The following FBXO47 variants were observed in gnomAD, a reference collection of about 807,000 sequenced individuals.
The protein encoded by FBXO47 is F-box protein 47, also known as F-box only protein 47.
In FBXO47, 34 loss-of-function variants were observed where a neutral mutation model predicts 53.9. The ratio of observed to expected loss-of-function variants is 0.63; its 90% CI spans 0.48 to 0.84. The LOEUF (loss-of-function observed/expected upper bound fraction) is 0.84. FBXO47 is among the 40% of genes least tolerant of loss of function. The probability of loss-of-function intolerance (pLI) is 0.00; values close to 1 mark genes in which losing one functional copy is unlikely to be tolerated. For synonymous variants in FBXO47, 165 were observed against 181.6 expected (o/e 0.91, Z 0.73); for missense variants, 485 against 541.3 (o/e 0.90, Z 1.03).
chr17:38,939,323 AATATATATAT>A (rs1555559725), intron 9 of FBXO47, among the ~76,000 whole-genome samples: 1 of 50,178 alleles, frequency 2.0e-5, no homozygotes, highest in South Asian at 8.2e-4. Flanking sequence ...AAAAAAAAAA[AATATATATAT>A]ATATATATAT....
intron 1 of FBXO47, among the ~76,000 whole-genome samples, chr17:38,964,450 G>A (rs1284303861): frequency 6.6e-6 from 1 of 152,042 alleles, no homozygotes; most frequent in Non-Finnish European, 1.5e-5. Context: ...ACAAAAATTA[G>A]CCAGGGATGG....
In FBXO47 at chr17:38,945,140, T is replaced by G; in HGVS notation, c.617-4A>C. On this transcript the variant is annotated splice_polypyrimidine_tract_variant and splice_region_variant and intron_variant, in intron 6 of 10. Transcript: ENST00000378079. ...AACTCCAGTTTTTGGGCACTTCCTA[T>G]GAAGACAAAAGAATTGTAAATCATT... 6.2e-7 allele frequency: 1 copy of G among 1,600,260 alleles called. No homozygotes were observed. Among genetic ancestry groups the G allele is most frequent in the African/African-American group, 1.3e-5 (1 of 74,704 alleles).
chr17:38,939,091 C>T (rs1357685795), intron 9 of FBXO47, among the ~76,000 whole-genome samples: 1 of 151,370 alleles, frequency 6.6e-6, no homozygotes, highest in East Asian at 1.9e-4. Flanking sequence ...GTCAGGAGTT[C>T]GAGACCAGCC....
intron 3 of FBXO47, among the ~76,000 whole-genome samples, chr17:38,960,032 C>T (rs958884382): frequency 6.6e-6 from 1 of 151,902 alleles, no homozygotes; most frequent in Admixed American, 6.6e-5. Flanking sequence ...GTCTTGAACT[C>T]CTGGGCTCAA....
chr17:38,941,840 T>C (rs1904526928), intron 9 of FBXO47, among the ~76,000 whole-genome samples: 1 of 151,264 alleles, frequency 6.6e-6, no homozygotes, highest in South Asian at 2.1e-4. Flanking sequence ...ACCGAGCTAA[T>C]TTTTGTATTT....
intron 6 of FBXO47, among the ~76,000 whole-genome samples, chr17:38,949,837 G>A (rs186084177): frequency 1.3e-5 from 2 of 152,248 alleles, no homozygotes; most frequent in African/African-American, 2.4e-5. Flanking sequence ...AGGGGCTCAA[G>A]TGATCCACTT....
chr17:38,958,071 C>T (rs534097441), intron 3 of FBXO47, among the ~76,000 whole-genome samples: 5 of 152,212 alleles, frequency 3.3e-5, no homozygotes, highest in East Asian at 3.9e-4. Context: ...CCTCATGATC[C>T]GCCTGCCTCG....
rs1252779193 is a variant in FBXO47 at position 38,943,658 on chromosome 17, A to G, written c.872T>C (p.Leu291Ser). The G allele has an allele frequency of 6.2e-7, 1 of 1,610,528 alleles. No individual in the cohort carries two copies. Among genetic ancestry groups the G allele is most frequent in the South Asian group, 1.1e-5 (1 of 90,488 alleles). ...CTCTTTAGTGCTAGCGTCATATAGTAACTTAATGGCATCAGCCAAACCTTT... is the reference window on the plus strand; with the variant it reads ...CTCTTTAGTGCTAGCGTCATATAGTGACTTAATGGCATCAGCCAAACCTTT... ...SLKGLADAIK[L>S]LYDASTKEWT... Residue 291 changes from leucine (L) to serine (S), a missense_variant, in exon 8 of 11, where the codon TTA becomes TCA. Coordinates refer to ENST00000378079, the MANE Select transcript of FBXO47 (RefSeq NM_001008777.3).
intron 3 of FBXO47, among the ~76,000 whole-genome samples, chr17:38,958,488 C>T (rs1195690569): frequency 6.7e-6 from 1 of 149,790 alleles, no homozygotes; most frequent in South Asian, 2.1e-4. Flanking sequence ...AAAAAAAACT[C>T]CTCAATTTCT....
At position 38,951,625 on chromosome 17, in the gene FBXO47, G is replaced by A. The variant is rs777922068; in HGVS notation, c.572C>T (p.Thr191Ile). The change falls in exon 6 of 11, where the codon ACT becomes ATT. Residue 191 changes from threonine (T) to isoleucine (I), a missense_variant. Thr to Ile is a moderately conservative substitution (Grantham distance 89). Transcript: ENST00000378079. ...HRVYNFLCEL[T>I]NLCRKIQMAV... ...CATTTGTATCTTGCGGCAGAGATTA[G>A]TCAGTTCGCATAAGAAATTATAAAC... is the stretch of plus-strand genomic sequence containing the variant. 1.9e-6 allele frequency: 3 copies of A among 1,614,084 alleles called. No individual in the cohort carries two copies. In the South Asian group the frequency reaches 3.3e-5, roughly 18 times the overall value.
Position 38,937,301 on chromosome 17 carries a change from T to C in FBXO47, c.1244-11A>G, listed in dbSNP as rs753009464. Reference sequence around the variant, plus strand: ...CTTCATCACGGTCTCCTATATGCCATACATAGTGGGGAAAAGAAAATGACA... The same window carrying C: ...CTTCATCACGGTCTCCTATATGCCACACATAGTGGGGAAAAGAAAATGACA... On this transcript the variant is annotated splice_polypyrimidine_tract_variant and intron_variant, in intron 10 of 10. Transcript: ENST00000378079. 2 of 1,188,156 alleles carry C rather than the reference T, an allele frequency of 1.7e-6. No homozygotes were observed. The highest frequency in any genetic ancestry group is 2.5e-5 in the East Asian group (1 of 39,630). 73.6% of individuals were successfully genotyped at this position (1,188,156 alleles called of 1,614,324 possible).
rs374374893 is a variant in FBXO47 at position 38,936,545 on chromosome 17, T to A, written c.*630A>T. On this transcript the variant is annotated 3_prime_UTR_variant, in exon 11 of 11. Transcript: ENST00000378079. Reference sequence around the variant, plus strand: ...TATACCTTCCTGTATGTATAGACCTTTTGTATGATTACCTTAAAGAAGGAA... The same window carrying A: ...TATACCTTCCTGTATGTATAGACCTATTGTATGATTACCTTAAAGAAGGAA... 6.6e-6 allele frequency: 1 copy of A among 152,278 alleles called. No homozygotes were observed. Among genetic ancestry groups the A allele is most frequent in the East Asian group, 1.9e-4 (1 of 5,192 alleles). 9.4% of individuals were successfully genotyped at this position (152,278 alleles called of 1,614,324 possible). A position where few individuals can be genotyped will look rare whatever the true frequency, so the allele number is the denominator to read the frequency against.
At chr17:38,952,307 C>G (rs902770649) in intron 5 of FBXO47, among the ~76,000 whole-genome samples, 3 of 152,098 alleles carry the variant, frequency 2.0e-5, no homozygotes, top group Non-Finnish European at 2.9e-5. Flanking sequence ...GGGCAACAGA[C>G]AGAAACTCTG....
At chr17:38,948,748 A>G (rs941033973) in intron 6 of FBXO47, among the ~76,000 whole-genome samples, 1 of 151,898 alleles carries the variant, frequency 6.6e-6, no homozygotes, top group Non-Finnish European at 1.5e-5. Context: ...CATCACCTAG[A>G]TATTTATTTA....
chr17:38,944,526 C>T (rs193181003), intron 7 of FBXO47, among the ~76,000 whole-genome samples: 28 of 151,642 alleles, frequency 1.8e-4, no homozygotes, highest in African/African-American at 6.8e-4. Context: ...CACGGTGAAA[C>T]CCCATCTCTA....
At chr17:38,959,105 A>G (rs908152675) in intron 3 of FBXO47, among the ~76,000 whole-genome samples, 6 of 151,240 alleles carry the variant, frequency 4.0e-5, no homozygotes, top group African/African-American at 1.5e-4. Context: ...TAAAACTCCT[A>G]TTTTTAAGGA....
rs767597968 is a variant in FBXO47 at position 38,938,708 on chromosome 17, T to C, written c.1108A>G (p.Met370Val). 5.0e-5 allele frequency: 81 copies of C among 1,606,704 alleles called. No individual in the cohort carries two copies. In the East Asian group the frequency reaches 1.1e-3, roughly 22 times the overall value. Residue 370 changes from methionine to valine, a missense_variant, in exon 10 of 11, where the codon ATG (methionine) becomes GTG (valine). Met to Val is a conservative substitution (Grantham distance 21). Coordinates refer to ENST00000378079, the MANE Select transcript of FBXO47 (RefSeq NM_001008777.3). The stretch of plus-strand genomic sequence containing the variant: ...TGCATCATTTTAACTGTCCAATCCA[T>C]GCAGTACAGTTCTTTCTCACACACC... ...ALVCEKELYC[M>V]DWTVKMMQKV...
chr17:38,965,094 C>A (rs1445457581), intron 1 of FBXO47, among the ~76,000 whole-genome samples: 2 of 152,204 alleles, frequency 1.3e-5, no homozygotes, highest in Non-Finnish European at 2.9e-5. Flanking sequence ...AGGTGAGCCA[C>A]CAGCCTCAGC....
chr17:38,964,798 T>G (rs753621145), intron 1 of FBXO47, among the ~76,000 whole-genome samples: 14 of 152,180 alleles, frequency 9.2e-5, no homozygotes, highest in Non-Finnish European at 1.8e-4. Flanking sequence ...TTAAAATCAC[T>G]GATTATTTAC....
Sources: gnomAD v4.1 joint callset for allele counts (sites outside exome capture counted in the v4.1 genomes callset) on GRCh38, gnomAD v4.1.1 for gene constraint, MANE v1.5 for transcripts, NCBI Gene and HGNC (gene_info 2026-07-23, HGNC 2026-07-21) for gene names.